Variants in LPCAT3 observed in about 807,000 individuals in gnomAD.
LPCAT3 encodes the protein lysophospholipid acyltransferase 5.
A neutral mutation model predicts 63.4 loss-of-function variants in LPCAT3; 21 were observed. The observed-to-expected ratio is 0.33, with a 90% CI of 0.23 to 0.48. The LOEUF is 0.48. LPCAT3 is among the 20% of genes least tolerant of loss of function. LPCAT3 has a pLI of 0.99. For synonymous variants in LPCAT3, 242 were observed against 227.5 expected (o/e 1.06, Z -0.58); for missense variants, 451 against 590.6 (o/e 0.76, Z 2.45).
Position 7,018,400 on chromosome 12 carries a change from C to T in LPCAT3, c.25G>A (p.Glu9Lys), listed in dbSNP as rs1946810309. The change falls in exon 1 of 13, where the codon GAG (glutamate) becomes AAG (lysine). Residue 9 changes from glutamate to lysine, a missense_variant. Glu to Lys is a moderately conservative substitution (Grantham distance 56, BLOSUM62 1). Coordinates refer to ENST00000261407, the MANE Select transcript of LPCAT3 (RefSeq NM_005768.6). The surrounding 1 kb of genome is among the most constrained non-coding windows in gnomAD (Gnocchi z 4.9). MASSAEGD[E>K]GTVVALAGVL... ...CCCGCCAGCGCCACCACAGTCCCCT[C>T]GTCCCCCTCCGCTGAGGACGCCATC... 1.2e-6 allele frequency: 2 copies of T among 1,610,508 alleles called. No homozygotes were observed. The highest frequency in any genetic ancestry group is 1.1e-5 in the South Asian group (1 of 90,440).
intron 1 of LPCAT3, among the ~76,000 whole-genome samples, chr12:6,984,976 TTAGAA>T (rs1946506962): frequency 6.6e-6 from 1 of 151,906 alleles, no homozygotes; most frequent in African/African-American, 2.4e-5. Flanking sequence ...TCTAAAACGC[TTAGAA>T]TAGTATCATA....
intron 3 of LPCAT3, 91 bp from the exon 4 acceptor site, chr12:6,981,995 C>T: frequency 1.4e-6 from 1 of 733,224 alleles, no homozygotes; most frequent in African/African-American, 1.7e-5. Flanking sequence ...TTCCTTTCTC[C>T]TCATCCCATC....
chr12:7,008,914 A>G (rs1354171851), intron 1 of LPCAT3, among the ~76,000 whole-genome samples: 3 of 152,232 alleles, frequency 2.0e-5, no homozygotes, highest in African/African-American at 7.2e-5. Context: ...CTCAGATAAC[A>G]TCCAGAGCAG....
Position 6,981,153 on chromosome 12 carries a change from A to G in LPCAT3, c.528T>C (p.Tyr176=). The change falls in exon 6 of 13, where the codon TAT becomes TAC. Residue 176 remains tyrosine (Y), a synonymous_variant. Coordinates refer to ENST00000261407, the MANE Select transcript of LPCAT3 (RefSeq NM_005768.6). ...GCAGGGAAGGAACACCACGTATGGC[A>G]TATTTCTGTTGCTCAGAGGACAAGG... is the stretch of plus-strand genomic sequence containing the variant. ...QNSLSSEQQK[Y]AIRGVPSLLE... 6.2e-7 allele frequency: 1 copy of G among 1,612,496 alleles called. No homozygotes were observed. The highest frequency in any genetic ancestry group is 1.1e-5 in the South Asian group (1 of 90,848).
chr12:6,979,214 A>G, intron 7 of LPCAT3: 1 of 524,454 alleles, frequency 1.9e-6, no homozygotes, highest in South Asian at 2.4e-5. Flanking sequence ...TGATAAGGCA[A>G]GCTAGGAGCG....
intron 1 of LPCAT3, among the ~76,000 whole-genome samples, chr12:7,000,536 C>T (rs1479562239): frequency 1.6e-5 from 2 of 126,684 alleles, no homozygotes; most frequent in Non-Finnish European, 3.2e-5. Flanking sequence ...TGCAGTGAGC[C>T]GAGATCACGC....
chr12:7,015,738 CA>C (rs1293846623), intron 1 of LPCAT3, among the ~76,000 whole-genome samples: 22 of 152,074 alleles, frequency 1.4e-4, no homozygotes, highest in African/African-American at 4.3e-4. Flanking sequence ...GTAGAATGAG[CA>C]AGGGGGCTCG....
Position 6,977,111 on chromosome 12 carries a change from T to C in LPCAT3, c.*12+23A>G, listed in dbSNP as rs1555153306. 7.2e-7 allele frequency: 1 copy of C among 1,387,374 alleles called. No homozygotes were observed. The highest frequency in any genetic ancestry group is 1.0e-6 in the Non-Finnish European group (1 of 974,780). The allele number at this position is 1,387,374 out of a possible 1,614,324, so 85.9% of individuals were successfully genotyped here. Reference sequence around the variant, plus strand: ...TCTATTCTGTAACCTGGTGGTAGTTTTAGTTTAGCTGTATTAACTTACCAG... The same window carrying C: ...TCTATTCTGTAACCTGGTGGTAGTTCTAGTTTAGCTGTATTAACTTACCAG... On this transcript the variant is annotated intron_variant, in intron 12 of 12. Coordinates refer to ENST00000261407, the MANE Select transcript of LPCAT3 (RefSeq NM_005768.6). The surrounding 1 kb of genome is among the most constrained non-coding windows in gnomAD (Gnocchi z 4.5).
intron 1 of LPCAT3, among the ~76,000 whole-genome samples, chr12:7,002,077 A>G (rs936755951): frequency 1.3e-5 from 2 of 152,154 alleles, no homozygotes; most frequent in Non-Finnish European, 2.9e-5. Flanking sequence ...TCACTTGGGA[A>G]AACTGAAGCC....
intron 1 of LPCAT3, among the ~76,000 whole-genome samples, chr12:6,985,219 GTC>G (rs1467927919): frequency 6.6e-6 from 1 of 150,988 alleles, no homozygotes; most frequent in Non-Finnish European, 1.5e-5. Context: ...GTGAAACCCC[GTC>G]TCTACTAAAA....
chr12:6,992,971 GTTT>G (rs1281695315), intron 1 of LPCAT3, among the ~76,000 whole-genome samples: 3 of 151,898 alleles, frequency 2.0e-5, no homozygotes, highest in Non-Finnish European at 4.4e-5. Flanking sequence ...ATAGCATATT[GTTT>G]TTTATTTATA....
chr12:6,976,215 T>C lies in LPCAT3; in HGVS notation c.*689A>G, dbSNP rs1555153151. On this transcript the variant is annotated 3_prime_UTR_variant, in exon 13 of 13. Coordinates refer to ENST00000261407, the MANE Select transcript of LPCAT3 (RefSeq NM_005768.6). Reference sequence around the variant, plus strand: ...AACTGAACAAACAGAAGTGATTTTATCTAATACAGTTCCAAGGTAGAAAAA... The same window carrying C: ...AACTGAACAAACAGAAGTGATTTTACCTAATACAGTTCCAAGGTAGAAAAA... 1 of 167,574 alleles carries C rather than the reference T, an allele frequency of 6.0e-6. No homozygotes were observed. The highest frequency in any genetic ancestry group is 1.3e-5 in the Non-Finnish European group (1 of 77,950). The allele number at this position is 167,574 out of a possible 1,614,324, so 10.4% of individuals were successfully genotyped here. A position where few individuals can be genotyped will look rare whatever the true frequency, so the allele number is the denominator to read the frequency against.
rs782793938 is a variant in LPCAT3, at chr12:6,978,343, G to T, written c.1038C>A (p.Ala346=). 2 of 1,606,724 alleles carry T rather than the reference G, an allele frequency of 1.2e-6. No homozygotes were observed. The highest frequency in any genetic ancestry group is 2.2e-5 in the South Asian group (2 of 90,352). ...SFNINTNAWV[A]RYIFKRLKFL... is the part of the protein sequence containing the mutation. ...CAGGCTCCCCACCAGCAGCTCACCG[G>T]GCCACCCAGGCGTTGGTGTTGATGT... The change falls in exon 9 of 13, where the codon GCC becomes GCA. Residue 346 remains alanine, a splice_region_variant and synonymous_variant. Coordinates refer to ENST00000261407, the MANE Select transcript of LPCAT3 (RefSeq NM_005768.6).
At chr12:7,014,892 C>CAAAAAAAAAAAAAA (rs375839002) in intron 1 of LPCAT3, among the ~76,000 whole-genome samples, 2 of 57,604 alleles carry the variant, frequency 3.5e-5, no homozygotes, top group Non-Finnish European at 7.5e-5. Flanking sequence ...GACTCCGTCT[C>CAAAAAAAAAAAAAA]AAAAAAAAAA....
Position 6,977,410 on chromosome 12 carries a change from G to C in LPCAT3, c.1304C>G (p.Ser435Cys). The C allele has an allele frequency of 6.2e-7, 1 of 1,614,222 alleles. No individual in the cohort carries two copies. Among genetic ancestry groups the C allele is most frequent in the Non-Finnish European group, 8.5e-7 (1 of 1,180,044 alleles). ...CGTGAAGAGGCAGAAGGCAGTCATG[G>C]AGTAACCCATGAAGAGCCAGTGGAT... ...QTIHWLFMGY[S>C]MTAFCLFTWD... The change falls in exon 11 of 13, where the codon TCC (serine) becomes TGC (cysteine). Residue 435 changes from serine (S) to cysteine (C), a missense_variant. By Grantham distance (112) the Ser-to-Cys change is moderately radical. Coordinates refer to ENST00000261407, the MANE Select transcript of LPCAT3 (RefSeq NM_005768.6). This position sits in a 1 kb window ranked among gnomAD's most constrained non-coding sequence, Gnocchi z 4.5.
chr12:7,018,214 A>T lies in LPCAT3; in HGVS notation c.151+60T>A. The T allele has an allele frequency of 6.5e-7, 1 of 1,547,546 alleles. No homozygotes were observed. The highest frequency in any genetic ancestry group is 2.4e-5 in the East Asian group (1 of 41,608). ...GGGAAGAGAGGGAGGTCCTGTCCCC[A>T]TTCCTCCCCTACTCCCCGGGGACTC... On this transcript the variant is annotated intron_variant, in intron 1 of 12. Transcript: ENST00000261407. This position sits in a 1 kb window ranked among gnomAD's most constrained non-coding sequence, Gnocchi z 4.9.
intron 2 of LPCAT3, 69 bp downstream of exon 2, chr12:6,983,363 A>C (rs1555154388): frequency 9.7e-7 from 1 of 1,030,862 alleles, no homozygotes; most frequent in Non-Finnish European, 1.5e-6. Context: ...TCTCAAGGAA[A>C]TTTTGTTCAA....
rs189036119 is a variant in LPCAT3, at chr12:6,981,389, T to C, written c.498+206A>G. 7.4e-4 allele frequency: 502 copies of C among 681,486 alleles called. 2 individuals carry two copies. In the African/African-American group the frequency reaches 8.1e-3, roughly 11 times the overall value. The allele number at this position is 681,486 out of a possible 1,614,324, so 42.2% of individuals were successfully genotyped here. A position where few individuals can be genotyped will look rare whatever the true frequency, so the allele number is the denominator to read the frequency against. On this transcript the variant is annotated intron_variant, in intron 5 of 12. Coordinates refer to ENST00000261407, the MANE Select transcript of LPCAT3 (RefSeq NM_005768.6). ...TGCTTTAGCAAATGCCTTGCTGGCA[T>C]TGATCTCTGGACTTTGTGCAAGAGC...
At chr12:7,001,105 C>T (rs955428647) in intron 1 of LPCAT3, among the ~76,000 whole-genome samples, 14 of 152,100 alleles carry the variant, frequency 9.2e-5, no homozygotes, top group Non-Finnish European at 1.5e-5. Flanking sequence ...TTGCCCGCTT[C>T]GAACTGACTT....
Sources: gnomAD v4.1 joint callset for allele counts (sites outside exome capture counted in the v4.1 genomes callset) on GRCh38, gnomAD v4.1.1 for gene constraint, Gnocchi (gnomAD v3.1) non-coding constraint, MANE v1.5 for transcripts, NCBI Gene and HGNC (gene_info 2026-07-23, HGNC 2026-07-21) for gene names.